The following RPTOR variants were observed in gnomAD, a reference collection of about 807,000 sequenced individuals.
The protein encoded by RPTOR is regulatory-associated protein of mTOR.
RPTOR carries 21 observed loss-of-function variants against 169.9 expected under a neutral mutation model. The ratio of observed to expected loss-of-function variants is 0.12; its 90% CI spans 0.09 to 0.18. The LOEUF (loss-of-function observed/expected upper bound fraction) is 0.18, where lower values mean the gene tolerates loss of function less well. Ranked by LOEUF, RPTOR falls within the 10% of genes least tolerant of loss-of-function variation. RPTOR has a pLI of 1.00. For synonymous variants in RPTOR, 732 were observed against 753.2 expected, an observed-to-expected ratio of 0.97 and a Z score of 0.46; for missense variants, 1,133 against 1,855.9, an observed-to-expected ratio of 0.61 and a Z score of 7.16.
intron 6 of RPTOR, among the ~76,000 whole-genome samples, chr17:80,767,710 G>A (rs1204292114): frequency 1.3e-5 from 2 of 152,152 alleles, no homozygotes; most frequent in Admixed American, 1.3e-4. Context: ...CCAAGGCTCG[G>A]TGTAATTAGT....
At chr17:80,741,703 A>G (rs1439184079) in intron 5 of RPTOR, among the ~76,000 whole-genome samples, 2 of 152,194 alleles carry the variant, frequency 1.3e-5, no homozygotes, top group African/African-American at 2.4e-5. Flanking sequence ...CCCTGGCTCT[A>G]CTTTCCTGAG....
intron 1 of RPTOR, among the ~76,000 whole-genome samples, chr17:80,566,647 C>T (rs546094511): frequency 4.0e-5 from 6 of 151,444 alleles, no homozygotes; most frequent in Admixed American, 3.9e-4. Flanking sequence ...GGTGAAACCC[C>T]TCCTCTACTA....
At chr17:80,922,900 C>A in intron 22 of RPTOR, 73 bp downstream of exon 22, 1 of 1,271,108 alleles carries the variant, frequency 7.9e-7, no homozygotes, top group South Asian at 1.3e-5. Flanking sequence ...GTCCCTGAGC[C>A]GGCCTCCCCA....
chr17:80,572,658 C>A (rs925490354), intron 1 of RPTOR, among the ~76,000 whole-genome samples: 15 of 152,086 alleles, frequency 9.9e-5, no homozygotes, highest in Non-Finnish European at 1.8e-4. Context: ...CCAGCAGTTC[C>A]AGGCTGCAGT....
At chr17:80,611,072 A>G (rs2065266995) in intron 1 of RPTOR, among the ~76,000 whole-genome samples, 1 of 152,108 alleles carries the variant, frequency 6.6e-6, no homozygotes, top group Non-Finnish European at 1.5e-5. Flanking sequence ...TGTTTTTCCA[A>G]TGCAGATTGC....
chr17:80,612,906 C>T (rs2065281192), intron 1 of RPTOR, among the ~76,000 whole-genome samples: 1 of 152,128 alleles, frequency 6.6e-6, no homozygotes, highest in Non-Finnish European at 1.5e-5. Flanking sequence ...AGATGTAAGG[C>T]CATAATGTGG....
intron 1 of RPTOR, among the ~76,000 whole-genome samples, chr17:80,563,771 T>C (rs894620369): frequency 1.3e-5 from 2 of 152,056 alleles, no homozygotes; most frequent in Non-Finnish European, 1.5e-5. Context: ...AAGTGAACAC[T>C]CTCACAACCA....
Position 80,680,021 on chromosome 17 carries a change from T to A in RPTOR, c.349-27820T>A, listed in dbSNP as rs576704385. The stretch of plus-strand genomic sequence containing the variant: ...GATGGAGCCCCCATGGTCCCTGTCC[T>A]GGAGAGGAACCTCCAGTTCTCGGTC... On this transcript the variant is annotated intron_variant, in intron 3 of 33. Transcript: ENST00000306801. Among the ~76,000 whole-genome samples the A allele has an allele frequency of 5.4e-4, 82 of 152,292 alleles. 3 individuals are homozygous for A. In the South Asian group the frequency reaches 0.016, roughly 30 times the overall value.
At chr17:80,880,837 C>T (rs552964916) in intron 14 of RPTOR, among the ~76,000 whole-genome samples, 359 of 152,206 alleles carry the variant, frequency 2.4e-3, no homozygotes, top group Non-Finnish European at 3.4e-3. Context: ...GAGCGCCGCA[C>T]GTCTGTAATA....
chr17:80,858,099 C>G (rs2067875085), intron 13 of RPTOR, 199 bp downstream of exon 13: 3 of 591,760 alleles, frequency 5.1e-6, no homozygotes, highest in Non-Finnish European at 6.1e-6. Context: ...CTGTCACCTA[C>G]CTGTCCTGTC....
intron 6 of RPTOR, chr17:80,773,823 C>G: frequency 1.0e-6 from 1 of 985,376 alleles, no homozygotes; most frequent in Non-Finnish European, 1.2e-6. Context: ...GGAAGAGGAA[C>G]GCTTGGTGCC....
intron 3 of RPTOR, among the ~76,000 whole-genome samples, chr17:80,691,631 T>G (rs151058206): frequency 6.6e-6 from 1 of 152,322 alleles, no homozygotes; most frequent in Non-Finnish European, 1.5e-5. Flanking sequence ...CATTTTGATA[T>G]GGTATGACAA....
At chr17:80,720,486 T>C (rs2066276023) in intron 4 of RPTOR, among the ~76,000 whole-genome samples, 1 of 152,208 alleles carries the variant, frequency 6.6e-6, no homozygotes, top group Admixed American at 6.5e-5. Context: ...TTCTGAGAAA[T>C]TCTAGCATTT....
intron 5 of RPTOR, among the ~76,000 whole-genome samples, chr17:80,741,093 A>G (rs2066478120): frequency 6.6e-6 from 1 of 152,224 alleles, no homozygotes; most frequent in Admixed American, 6.5e-5. Flanking sequence ...GGAATGTAAA[A>G]TGGTACGGCT....
chr17:80,713,203 G>A (rs1311579824), intron 4 of RPTOR, among the ~76,000 whole-genome samples: 5 of 152,060 alleles, frequency 3.3e-5, no homozygotes, highest in Non-Finnish European at 2.9e-5. Context: ...GAAGTAGCAG[G>A]GATTACAGGC....
At chr17:80,833,795 G>A (rs1040374010) in intron 9 of RPTOR, among the ~76,000 whole-genome samples, 9 of 152,286 alleles carry the variant, frequency 5.9e-5, no homozygotes, top group South Asian at 2.1e-4. Context: ...TTCGAGACCC[G>A]CCTGACCAAC....
chr17:80,940,307 A>C, intron 24 of RPTOR, 189 bp from the exon 25 acceptor site: 2 of 523,380 alleles, frequency 3.8e-6, no homozygotes, highest in African/African-American at 2.0e-5. Flanking sequence ...ATGGCGGGCA[A>C]GCTAGCGAGG....
At chr17:80,547,524 G>C (rs117067514) in intron 1 of RPTOR, among the ~76,000 whole-genome samples, 1 of 152,172 alleles carries the variant, frequency 6.6e-6, no homozygotes, top group African/African-American at 2.4e-5. Context: ...GTGACTCTTA[G>C]TGACTACTGA....
At chr17:80,608,613 G>A (rs1045534989) in intron 1 of RPTOR, among the ~76,000 whole-genome samples, 6 of 152,162 alleles carry the variant, frequency 3.9e-5, no homozygotes, top group African/African-American at 1.4e-4. Context: ...GTGTGGGGAC[G>A]TGGCCCACCC....
Sources: allele counts gnomAD v4.1 joint callset (sites outside exome capture counted in the v4.1 genomes callset), GRCh38; gene constraint gnomAD v4.1.1; transcripts MANE v1.5; gene names NCBI Gene and HGNC (gene_info 2026-07-23, HGNC 2026-07-21).